GABRB1: variants seen among roughly 807,000 people sequenced by gnomAD.
The protein encoded by GABRB1 is gamma-aminobutyric acid receptor subunit beta-1.
GABRB1 carries 17 observed loss-of-function variants against 51.6 expected under a neutral mutation model. That is an observed-to-expected ratio of 0.33 (90% CI 0.23 to 0.49). GABRB1 has a LOEUF of 0.49. Ranked by LOEUF, GABRB1 falls within the 20% of genes least tolerant of loss-of-function variation. The pLI is 0.99. For missense variants in GABRB1, 410 were observed against 600.6 expected (o/e 0.68, Z 3.32); for synonymous variants, 247 against 218.9 (o/e 1.13, Z -1.14).
intron 4 of GABRB1, among the ~76,000 whole-genome samples, chr4:47,172,381 C>T (rs1397615233): frequency 6.6e-6 from 1 of 152,048 alleles, no homozygotes; most frequent in African/African-American, 2.4e-5. Context: ...ACAACAAGTA[C>T]CATATTTACA....
chr4:47,127,678 C>G (rs971025910), intron 3 of GABRB1, among the ~76,000 whole-genome samples: 1 of 151,820 alleles, frequency 6.6e-6, no homozygotes, highest in African/African-American at 2.4e-5. Context: ...AGACTAAACT[C>G]TTTTGTTTCC....
intron 5 of GABRB1, among the ~76,000 whole-genome samples, chr4:47,379,494 T>C (rs1360386588): frequency 6.6e-6 from 1 of 152,354 alleles, no homozygotes; most frequent in East Asian, 1.9e-4. Context: ...TAAAGTAGGC[T>C]AAACTAAGCT....
chr4:47,099,050 T>C (rs1327689391), intron 3 of GABRB1, among the ~76,000 whole-genome samples: 1 of 152,088 alleles, frequency 6.6e-6, no homozygotes, highest in Non-Finnish European at 1.5e-5. Flanking sequence ...ATACAAAGTA[T>C]ACAGTACTCC....
At chr4:46,994,786 A>AT (rs1391403340) in intron 1 of GABRB1, among the ~76,000 whole-genome samples, 2 of 152,216 alleles carry the variant, frequency 1.3e-5, no homozygotes, top group African/African-American at 4.8e-5. Flanking sequence ...AGTAATTCCC[A>AT]TACCTTGGAA....
intron 8 of GABRB1, among the ~76,000 whole-genome samples, chr4:47,411,485 G>A (rs973620212): frequency 6.6e-6 from 1 of 152,134 alleles, no homozygotes; most frequent in African/African-American, 2.4e-5. Flanking sequence ...TGGTTGCCGG[G>A]AGTCAGTGAT....
intron 4 of GABRB1, among the ~76,000 whole-genome samples, chr4:47,169,704 G>A (rs1208743535): frequency 1.3e-5 from 2 of 152,108 alleles, no homozygotes; most frequent in Non-Finnish European, 2.9e-5. Flanking sequence ...GTTTCATCAT[G>A]TTAGCCAGGC....
chr4:47,297,279 T>A (rs1208618581), intron 4 of GABRB1, among the ~76,000 whole-genome samples: 1 of 81,500 alleles, frequency 1.2e-5, no homozygotes, highest in Non-Finnish European at 2.3e-5. Flanking sequence ...CTGAAGGAAA[T>A]AGAGACACAA....
chr4:47,071,274 C>A, intron 3 of GABRB1, among the ~76,000 whole-genome samples: 1 of 152,206 alleles, frequency 6.6e-6, no homozygotes, highest in Non-Finnish European at 1.5e-5. Context: ...AGTACCAAAC[C>A]TTCACCATCT....
At chr4:47,250,160 T>C (rs185312906) in intron 4 of GABRB1, among the ~76,000 whole-genome samples, 1 of 152,334 alleles carries the variant, frequency 6.6e-6, no homozygotes, top group Non-Finnish European at 1.5e-5. Flanking sequence ...TGGTGAATTC[T>C]CTCAGCATTT....
chr4:47,222,205 A>G (rs1720793600), intron 4 of GABRB1, among the ~76,000 whole-genome samples: 1 of 152,138 alleles, frequency 6.6e-6, no homozygotes, highest in Admixed American at 6.6e-5. Flanking sequence ...CATGTCAGTG[A>G]CTGACCACAA....
intron 4 of GABRB1, among the ~76,000 whole-genome samples, chr4:47,245,858 A>G (rs547830238): frequency 1.3e-5 from 2 of 148,744 alleles, no homozygotes; most frequent in Admixed American, 1.3e-4. Context: ...AAAGCTGCAT[A>G]GAAACATTGT....
chr4:47,325,202 C>T (rs551102828), intron 5 of GABRB1, among the ~76,000 whole-genome samples: 6 of 152,046 alleles, frequency 3.9e-5, no homozygotes, highest in South Asian at 2.1e-4. Flanking sequence ...TTTGGGAGGC[C>T]GAGGCAGGCA....
intron 3 of GABRB1, among the ~76,000 whole-genome samples, chr4:47,156,717 T>A (rs1175897375): frequency 6.6e-6 from 1 of 151,786 alleles, no homozygotes; most frequent in African/African-American, 2.4e-5. Context: ...ACTTGTAATC[T>A]CAGCACTTTG....
At position 47,303,957 on chromosome 4, in the gene GABRB1, T is replaced by C. The variant is rs564298631; in HGVS notation, c.462-16170T>C. On this transcript the variant is annotated intron_variant, in intron 4 of 8. Coordinates refer to ENST00000295454, the MANE Select transcript of GABRB1 (RefSeq NM_000812.4). ...GCTTATTTCACTTAACATGATGTCC[T>C]CTAGGTTTATCCATGCTATTGTAAA... Among the ~76,000 whole-genome samples the C allele has an allele frequency of 2.6e-5, 4 of 152,198 alleles. No homozygotes were observed. In the East Asian group the frequency reaches 7.7e-4, roughly 29 times the overall value.
intron 3 of GABRB1, among the ~76,000 whole-genome samples, chr4:47,120,082 A>T (rs957399592): frequency 6.6e-6 from 1 of 152,196 alleles, no homozygotes; most frequent in African/African-American, 2.4e-5. Flanking sequence ...CTGCAGGAAA[A>T]AATAAATTTT....
chr4:47,027,385 G>T (rs960324381), upstream of GABRB1, among the ~76,000 whole-genome samples: 1 of 151,402 alleles, frequency 6.6e-6, no homozygotes, highest in African/African-American at 2.4e-5. Flanking sequence ...ATAAAAAGAG[G>T]TAAAAATATA....
At chr4:47,024,276 T>C (rs564697990) in intron 1 of GABRB1, among the ~76,000 whole-genome samples, 1 of 152,098 alleles carries the variant, frequency 6.6e-6, no homozygotes, top group Admixed American at 6.6e-5. Context: ...CTTCATGATA[T>C]TGATTTTTCT....
intron 1 of GABRB1, among the ~76,000 whole-genome samples, chr4:47,017,078 C>T (rs1329449197): frequency 2.0e-5 from 3 of 152,118 alleles, no homozygotes; most frequent in African/African-American, 7.2e-5. Context: ...GTAGGAAGTG[C>T]TAATAAGGTA....
chr4:47,149,044 G>T (rs1269163690), intron 3 of GABRB1, among the ~76,000 whole-genome samples: 1 of 151,874 alleles, frequency 6.6e-6, no homozygotes, highest in Non-Finnish European at 1.5e-5. Context: ...TCACAGCTGT[G>T]ATATTTTTGA....
Sources: gnomAD v4.1 joint callset for allele counts (sites outside exome capture counted in the v4.1 genomes callset) on GRCh38, gnomAD v4.1.1 for gene constraint, MANE v1.5 for transcripts, NCBI Gene and HGNC (gene_info 2026-07-23, HGNC 2026-07-21) for gene names.